ACTN2: variants seen among roughly 807,000 people sequenced by gnomAD.
ACTN2 encodes the protein actinin alpha 2, also known as alpha-actinin-2.
A neutral mutation model predicts 113.8 loss-of-function variants in ACTN2; 39 were observed. The observed-to-expected ratio is 0.34, with a 90% confidence interval of 0.27 to 0.45. The LOEUF (loss-of-function observed/expected upper bound fraction) is 0.45, where lower values mean the gene tolerates loss of function less well. Among genes scored for constraint, ACTN2 ranks in the 20% least tolerant of loss-of-function variants. The pLI, the probability that ACTN2 is intolerant of heterozygous loss-of-function variation, is 1.00. For synonymous variants in ACTN2, 429 were observed against 444.1 expected, an observed-to-expected ratio of 0.97 and a Z score of 0.43; for missense variants, 992 against 1,177.9, an observed-to-expected ratio of 0.84 and a Z score of 2.31.
chr1:236,725,829 C>T (rs1658534002), intron 4 of ACTN2, 104 bp from the exon 5 acceptor site: 2 of 992,770 alleles, frequency 2.0e-6, no homozygotes, highest in Admixed American at 3.4e-5. Flanking sequence ...GAAGAGACCC[C>T]CTGGGTGATC....
chr1:236,734,982 A>G (rs554344363), intron 7 of ACTN2, among the ~76,000 whole-genome samples: 17 of 152,216 alleles, frequency 1.1e-4, no homozygotes, highest in Non-Finnish European at 1.5e-4. Flanking sequence ...ATTAGTAGAA[A>G]TAGTAGCGAG....
At chr1:236,747,113 C>T (rs904303087) in intron 12 of ACTN2, among the ~76,000 whole-genome samples, 2 of 152,174 alleles carry the variant, frequency 1.3e-5, no homozygotes, top group African/African-American at 4.8e-5. Context: ...GACATTGCCA[C>T]TTAGAAATAA....
chr1:236,745,219 G>C (rs900239717), intron 12 of ACTN2, among the ~76,000 whole-genome samples: 2 of 152,128 alleles, frequency 1.3e-5, no homozygotes, highest in Non-Finnish European at 2.9e-5. Context: ...CGAATCATGA[G>C]GTCAGGAGAT....
intron 13 of ACTN2, 115 bp from the exon 14 acceptor site, chr1:236,749,009 C>G (rs1659314136): frequency 8.4e-7 from 1 of 1,193,316 alleles, no homozygotes; most frequent in Non-Finnish European, 1.2e-6. Flanking sequence ...TAGACACATG[C>G]TAATACGATT....
chr1:236,742,287 G>GGAACGGA (rs1248463272), intron 10 of ACTN2, among the ~76,000 whole-genome samples: 4 of 151,988 alleles, frequency 2.6e-5, no homozygotes, highest in Non-Finnish European at 5.9e-5. Flanking sequence ...AAGCTGCATG[G>GGAACGGA]GAACTTTAGA....
intron 1 of ACTN2, among the ~76,000 whole-genome samples, chr1:236,707,904 G>T (rs1394385800): frequency 6.6e-6 from 1 of 151,510 alleles, no homozygotes; most frequent in Non-Finnish European, 1.5e-5. Flanking sequence ...TAGAGATGGG[G>T]TGTCACCATA....
chr1:236,739,153 G>A (rs528034175), intron 9 of ACTN2, 149 bp from the exon 10 acceptor site: 8 of 842,388 alleles, frequency 9.5e-6, no homozygotes, highest in East Asian at 2.6e-5. Context: ...TGAACATCTC[G>A]TTCATGCCTC....
chr1:236,727,675 A>T lies in ACTN2; in HGVS notation c.537-3A>T, dbSNP rs2102906436. ...GTTCCTGTTCTTCTCGACGGCTGTGAAGCTGGAAAGATGGCCTTGGACTCT... is the reference window on the plus strand; with the variant it reads ...GTTCCTGTTCTTCTCGACGGCTGTGTAGCTGGAAAGATGGCCTTGGACTCT... On this transcript the variant is annotated splice_polypyrimidine_tract_variant and splice_region_variant and intron_variant, in intron 5 of 20. Transcript: ENST00000366578. 6.2e-7 allele frequency: 1 copy of T among 1,614,086 alleles called. No homozygotes were observed. Among genetic ancestry groups the T allele is most frequent in the Middle Eastern group, 1.6e-4 (1 of 6,062 alleles).
intron 1 of ACTN2, among the ~76,000 whole-genome samples, chr1:236,705,918 T>C (rs531457011): frequency 1.3e-5 from 2 of 152,334 alleles, no homozygotes; most frequent in African/African-American, 4.8e-5. Flanking sequence ...GAAATCAGTC[T>C]TGTGAGCCTG....
chr1:236,720,823 A>T (rs1163897482), intron 4 of ACTN2, among the ~76,000 whole-genome samples: 2 of 151,936 alleles, frequency 1.3e-5, no homozygotes, highest in African/African-American at 4.8e-5. Flanking sequence ...TTAAAATTGG[A>T]ACTTTGCCTG....
chr1:236,746,985 C>T (rs1174887697), intron 12 of ACTN2, among the ~76,000 whole-genome samples: 1 of 152,176 alleles, frequency 6.6e-6, no homozygotes, highest in East Asian at 1.9e-4. Flanking sequence ...TCTAGGGAAG[C>T]CAAGGACACA....
rs1659750346 is a variant in ACTN2 at position 236,762,766 on chromosome 1, C to T, written c.*147C>T. On this transcript the variant is annotated 3_prime_UTR_variant, in exon 21 of 21. Coordinates refer to ENST00000366578, the MANE Select transcript of ACTN2 (RefSeq NM_001103.4). ...CCTTTCGTAGTTCAGTAATTGCCAGCAATATAACACGGCTAAAATGAAGTT... is the reference window on the plus strand; with the variant it reads ...CCTTTCGTAGTTCAGTAATTGCCAGTAATATAACACGGCTAAAATGAAGTT... The T allele has an allele frequency of 2.1e-6, 2 of 957,098 alleles. No homozygotes were observed. The highest frequency in any genetic ancestry group is 3.2e-6 in the Non-Finnish European group (2 of 623,452). 59.3% of individuals were successfully genotyped at this position (957,098 alleles called of 1,614,324 possible).
chr1:236,737,297 G>GTATTTATATATATA lies in ACTN2; in HGVS notation c.876+83_876+84insTATTTATATATATA. 9.6e-5 allele frequency: 31 copies of GTATTTATATATATA among 322,096 alleles called. 2 individuals are homozygous for GTATTTATATATATA. Among genetic ancestry groups the GTATTTATATATATA allele is most frequent in the South Asian group, 1.8e-4 (8 of 43,790 alleles). 20.0% of individuals were successfully genotyped at this position (322,096 alleles called of 1,614,324 possible). A position where few individuals can be genotyped will look rare whatever the true frequency, so the allele number is the denominator to read the frequency against. On this transcript the variant is annotated intron_variant, in intron 9 of 20. Transcript: ENST00000366578. Reference sequence around the variant, plus strand: ...GAGGGTGAAAAAATACTCCGTGGGGGCATATATATATATATATATATTTTG... The same window carrying GTATTTATATATATA: ...GAGGGTGAAAAAATACTCCGTGGGGGTATTTATATATATACATATATATATATATATATATTTTG...
chr1:236,727,315 G>C (rs768809147), intron 5 of ACTN2, among the ~76,000 whole-genome samples: 2 of 152,154 alleles, frequency 1.3e-5, no homozygotes, highest in Admixed American at 6.5e-5. Flanking sequence ...ATATTTATTG[G>C]GCAGACTCAG....
intron 12 of ACTN2, 92 bp downstream of exon 12, chr1:236,744,868 C>T: frequency 6.5e-7 from 1 of 1,545,912 alleles, no homozygotes. Flanking sequence ...TGACTAAACG[C>T]AGAGGGAACC....
intron 9 of ACTN2, among the ~76,000 whole-genome samples, chr1:236,738,886 C>T (rs892080052): frequency 6.6e-6 from 1 of 152,164 alleles, no homozygotes; most frequent in African/African-American, 2.4e-5. Context: ...TTTAAAAACA[C>T]ATTTTAAGTG....
intron 8 of ACTN2, 165 bp from the exon 9 acceptor site, chr1:236,736,957 A>G: frequency 1.5e-6 from 1 of 651,594 alleles, no homozygotes; most frequent in Admixed American, 2.2e-5. Context: ...AATGATTCAT[A>G]GTACGCATAA....
At chr1:236,713,496 G>A (rs560263517) in intron 1 of ACTN2, among the ~76,000 whole-genome samples, 1 of 152,054 alleles carries the variant, frequency 6.6e-6, no homozygotes, top group South Asian at 2.1e-4. Flanking sequence ...CAAAGTGCTG[G>A]GATTACAGGC....
Position 236,763,115 on chromosome 1 carries a change from C to A in ACTN2, c.*496C>A. ...TCTAATGTTTTATTTTCATGCTTAT[C>A]CAAAGATTACTATTGTATCTTCAAA... On this transcript the variant is annotated 3_prime_UTR_variant, in exon 21 of 21. Coordinates refer to ENST00000366578, the MANE Select transcript of ACTN2 (RefSeq NM_001103.4). 5.6e-6 allele frequency: 1 copy of A among 177,682 alleles called. No homozygotes were observed. Among genetic ancestry groups the A allele is most frequent in the Non-Finnish European group, 1.2e-5 (1 of 82,370 alleles). The allele number at this position is 177,682 out of a possible 1,614,324, so 11.0% of individuals were successfully genotyped here.
Sources: allele counts gnomAD v4.1 joint callset (sites outside exome capture counted in the v4.1 genomes callset), GRCh38; gene constraint gnomAD v4.1.1; transcripts MANE v1.5; gene names NCBI Gene and HGNC (gene_info 2026-07-23, HGNC 2026-07-21).